ELP2: variants seen among roughly 807,000 people sequenced by gnomAD.
ELP2 encodes elongator complex protein 2.
Under a neutral mutation model 119.2 loss-of-function variants are expected in ELP2, and 90 were observed. The ratio of observed to expected loss-of-function variants is 0.75; its 90% CI spans 0.64 to 0.90. The LOEUF is 0.90. ELP2 is among the 40% of genes least tolerant of loss of function. ELP2 has a pLI of 0.00. For synonymous variants in ELP2, 339 were observed against 331.0 expected, an observed-to-expected ratio of 1.02 and a Z score of -0.26; for missense variants, 921 against 967.8, an observed-to-expected ratio of 0.95 and a Z score of 0.64.
chr18:36,135,723 A>G (rs1163280832), intron 2 of ELP2, among the ~76,000 whole-genome samples: 2 of 152,174 alleles, frequency 1.3e-5, no homozygotes, highest in Non-Finnish European at 2.9e-5. Flanking sequence ...GTTCCTGCCA[A>G]GAGTGTTTAG....
rs193156398 is a variant in ELP2, at chr18:36,160,056, G to A, written c.1688+41G>A. 2.5e-4 allele frequency: 403 copies of A among 1,599,842 alleles called. 2 individuals are homozygous for A. The African/African-American group carries it at 4.3e-3, about 17-fold the overall frequency. Reference sequence around the variant, plus strand: ...TTTAGCTCTTTGGTCTGATTCTGTCGTAACTTCTGACTTTTCCTCCCCACC... The same window carrying A: ...TTTAGCTCTTTGGTCTGATTCTGTCATAACTTCTGACTTTTCCTCCCCACC... On this transcript the variant is annotated intron_variant, in intron 16 of 21. Transcript: ENST00000358232.
intron 11 of ELP2, among the ~76,000 whole-genome samples, chr18:36,148,915 C>A (rs2090299516): frequency 6.6e-6 from 1 of 152,182 alleles, no homozygotes; most frequent in Non-Finnish European, 1.5e-5. Flanking sequence ...AATAATTAGT[C>A]CAGTCCATCA....
intron 10 of ELP2, 34 bp from the exon 11 acceptor site, chr18:36,146,212 TATTG>T: frequency 6.2e-7 from 1 of 1,613,406 alleles, no homozygotes; most frequent in East Asian, 2.2e-5. Context: ...AAACATAGAC[TATTG>T]ATTAAGAATT....
chr18:36,148,276 G>A (rs1406114811), intron 11 of ELP2, among the ~76,000 whole-genome samples: 1 of 151,946 alleles, frequency 6.6e-6, no homozygotes, highest in African/African-American at 2.4e-5. Context: ...TGTATTTTTA[G>A]TAGAGACGGG....
At chr18:36,158,656 T>A in intron 13 of ELP2, 179 bp from the exon 14 acceptor site, 2 of 560,756 alleles carry the variant, frequency 3.6e-6, no homozygotes, top group South Asian at 4.1e-5. Context: ...AGCATTGCAT[T>A]GTTGGTTCAG....
At chr18:36,167,694 A>ATTT (rs34728779) in intron 19 of ELP2, among the ~76,000 whole-genome samples, 1 of 145,984 alleles carries the variant, frequency 6.9e-6, no homozygotes, top group Admixed American at 6.8e-5. Flanking sequence ...GTAGCTAGGA[A>ATTT]TTTTTTTTTT....
At position 36,158,825 on chromosome 18, in the gene ELP2, T is replaced by G. The variant is rs1354809514; in HGVS notation, c.1465-10T>G. 1 of 1,559,164 alleles carries G rather than the reference T, an allele frequency of 6.4e-7. No homozygotes were observed. Among genetic ancestry groups the G allele is most frequent in the Non-Finnish European group, 8.8e-7 (1 of 1,131,506 alleles). ...CATTTATAACTTAGATATTATATTT[T>G]CTATTCTAGCAAGATAGTGATCTTC... On this transcript the variant is annotated splice_polypyrimidine_tract_variant and intron_variant, in intron 13 of 21. Transcript: ENST00000358232.
chr18:36,134,971 A>G (rs2089775530), intron 2 of ELP2, among the ~76,000 whole-genome samples: 1 of 152,252 alleles, frequency 6.6e-6, no homozygotes. Context: ...GATGTTTAAA[A>G]AAGTTTTAAT....
At chr18:36,168,459 G>A (rs761637081) in intron 19 of ELP2, among the ~76,000 whole-genome samples, 12 of 152,186 alleles carry the variant, frequency 7.9e-5, no homozygotes, top group South Asian at 6.2e-4. Context: ...GGCTGGGGAG[G>A]CCTCAGGAAA....
intron 2 of ELP2, among the ~76,000 whole-genome samples, chr18:36,135,547 AT>A (rs1392395592): frequency 1.3e-5 from 2 of 152,074 alleles, no homozygotes; most frequent in East Asian, 3.9e-4. Context: ...TAAAAAGAAA[AT>A]CCAAACCCAA....
chr18:36,151,742 GTTT>G (rs71166098), intron 11 of ELP2, among the ~76,000 whole-genome samples: 10 of 109,828 alleles, frequency 9.1e-5, no homozygotes, highest in African/African-American at 3.5e-4. Context: ...GTTCTGTTCT[GTTT>G]TTTTTTTTTT....
intron 17 of ELP2, among the ~76,000 whole-genome samples, chr18:36,164,259 C>T (rs1482792811): frequency 1.3e-4 from 20 of 151,974 alleles, no homozygotes; most frequent in Non-Finnish European, 2.9e-5. Flanking sequence ...AAACATGATA[C>T]TATAGTCCCT....
intron 19 of ELP2, among the ~76,000 whole-genome samples, chr18:36,169,341 C>G (rs1395855485): frequency 6.6e-6 from 1 of 151,798 alleles, no homozygotes; most frequent in Admixed American, 6.6e-5. Flanking sequence ...GAGTAGATTC[C>G]CTGAGCAATG....
Position 36,160,817 on chromosome 18 carries a change from A to C in ELP2, c.1689-115A>C, listed in dbSNP as rs376484701. 6.9e-6 allele frequency: 5 copies of C among 719,444 alleles called. No individual in the cohort carries two copies. The East Asian group carries it at 1.3e-4, about 19-fold the overall frequency. The allele number at this position is 719,444 out of a possible 1,614,324, so 44.6% of individuals were successfully genotyped here. On this transcript the variant is annotated intron_variant, in intron 16 of 21. Coordinates refer to ENST00000358232, the MANE Select transcript of ELP2 (RefSeq NM_018255.4). ...CCTAGACAAACATACAATGTTCCTT[A>C]AAAGAATTGTATATTAGCTAGAGAG...
At chr18:36,155,313 C>T (rs1036055417) in intron 12 of ELP2, among the ~76,000 whole-genome samples, 17 of 144,182 alleles carry the variant, frequency 1.2e-4, no homozygotes, top group African/African-American at 4.1e-4. Flanking sequence ...TGAGCCACTG[C>T]AGCCGGCCTC....
intron 5 of ELP2, chr18:36,139,535 A>C (rs1213263371): frequency 1.3e-6 from 2 of 1,535,724 alleles, no homozygotes; most frequent in Admixed American, 2.0e-5. Context: ...CATTCTGTGC[A>C]AGGCTCTGTG....
rs2091230842 is a variant in ELP2 at position 36,176,769 on chromosome 18, T to G, written c.*2128T>G. 4 of 152,194 alleles carry G rather than the reference T, an allele frequency of 2.6e-5. No homozygotes were observed. Among genetic ancestry groups the G allele is most frequent in the Admixed American group, 2.6e-4 (4 of 15,280 alleles). 9.4% of individuals were successfully genotyped at this position (152,194 alleles called of 1,614,324 possible). On this transcript the variant is annotated 3_prime_UTR_variant, in exon 22 of 22. Coordinates refer to ENST00000358232, the MANE Select transcript of ELP2 (RefSeq NM_018255.4). ...GTAGTAATTCATAATATTGAAGCGATTCATAATATCTGAAGCAATCCCCAG... is the reference window on the plus strand; with the variant it reads ...GTAGTAATTCATAATATTGAAGCGAGTCATAATATCTGAAGCAATCCCCAG...
chr18:36,138,897 TA>T, intron 5 of ELP2, 25 bp downstream of exon 5: 1 of 1,552,220 alleles, frequency 6.4e-7, no homozygotes, highest in Non-Finnish European at 8.9e-7. Flanking sequence ...AAGTATATGT[TA>T]AAAGGGCAGT....
intron 10 of ELP2, 70 bp from the exon 11 acceptor site, chr18:36,146,180 A>G (rs1407182382): frequency 3.7e-6 from 6 of 1,600,708 alleles, no homozygotes; most frequent in Non-Finnish European, 5.1e-6. Context: ...CAGTCTCTGG[A>G]ATCAGCGATT....
Sources: gnomAD v4.1 joint callset for allele counts (sites outside exome capture counted in the v4.1 genomes callset) on GRCh38, gnomAD v4.1.1 for gene constraint, MANE v1.5 for transcripts, NCBI Gene and HGNC (gene_info 2026-07-23, HGNC 2026-07-21) for gene names.